The following DSC2 variants were observed in gnomAD, a reference collection of about 807,000 sequenced individuals.
The protein encoded by DSC2 is desmocollin-2.
DSC2 carries 51 observed loss-of-function variants against 87.6 expected under a neutral mutation model. The observed-to-expected ratio is 0.58, with a 90% CI of 0.46 to 0.74. The LOEUF (loss-of-function observed/expected upper bound fraction) is 0.74. DSC2 is among the 30% of genes least tolerant of loss of function. DSC2 has a pLI of 0.00. For missense variants in DSC2, 1,066 were observed against 1,089.5 expected (o/e 0.98, Z 0.30); for synonymous variants, 383 against 393.2 (o/e 0.97, Z 0.31).
In DSC2 at chr18:31,092,230, C is replaced by T. The variant is rs2144846829; in HGVS notation, c.225G>A (p.Glu75=). ...HSSDPDFQIL[E]DGSVYTTNTI... ...TATTTGTTGTATAGACTGAACCATC[C>T]TCCAAAATTTGGAAGTCAGGATCAC... Residue 75 remains glutamate (E), a synonymous_variant, in exon 3 of 16, where the codon GAG becomes GAA. Transcript: ENST00000280904. 1 of 1,613,766 alleles carries T rather than the reference C, an allele frequency of 6.2e-7. No individual in the cohort carries two copies. The highest frequency in any genetic ancestry group is 2.2e-5 in the East Asian group (1 of 44,808).
chr18:31,087,378 A>G (rs2144832518), intron 6 of DSC2, among the ~76,000 whole-genome samples: 1 of 152,282 alleles, frequency 6.6e-6, no homozygotes, highest in African/African-American at 2.4e-5. Context: ...AACATTTATT[A>G]ACTCCTATTT....
At chr18:31,084,840 A>G (rs778488263) in intron 7 of DSC2, among the ~76,000 whole-genome samples, 38 of 152,026 alleles carry the variant, frequency 2.5e-4, no homozygotes, top group African/African-American at 8.4e-4. Context: ...AGCTTGGAAA[A>G]CCTTTATCAA....
rs968646985 is a variant in DSC2, at chr18:31,075,247, C to T, written c.1664-340G>A. Among the ~76,000 whole-genome samples the T allele has an allele frequency of 2.0e-4, 30 of 152,194 alleles. 1 individual carries two copies. Among genetic ancestry groups the T allele is most frequent in the African/African-American group, 6.3e-4 (26 of 41,532 alleles). On this transcript the variant is annotated intron_variant, in intron 11 of 15. Transcript: ENST00000280904. ...ACAAGGAAATTCAAGGAGATGGAAA[C>T]GCACGTTATACACACCCGTGATCTG...
chr18:31,070,902 A>G (rs1051022664), intron 13 of DSC2, 52 bp from the exon 14 acceptor site: 13 of 1,588,676 alleles, frequency 8.2e-6, no homozygotes, highest in Admixed American at 1.7e-5. Flanking sequence ...ATATGAAGTT[A>G]TAAATGTACA....
Position 31,059,400 on chromosome 18 carries a change from T to A in DSC2, c.*8615A>T, listed in dbSNP as rs937689160. 10 of 152,306 alleles carry A rather than the reference T, an allele frequency of 6.6e-5. No homozygotes were observed. The East Asian group carries it at 1.4e-3, about 21-fold the overall frequency. 9.4% of individuals were successfully genotyped at this position (152,306 alleles called of 1,614,324 possible). A position where few individuals can be genotyped will look rare whatever the true frequency, so the allele number is the denominator to read the frequency against. On this transcript the variant is annotated 3_prime_UTR_variant, in exon 16 of 16. Coordinates refer to ENST00000280904, the MANE Select transcript of DSC2 (RefSeq NM_024422.6). ...AATTTTAAGACCAAAAGCACATGAA[T>A]GCACTCAGTTATGATAATGTGAGAT...
At chr18:31,082,560 T>C in intron 8 of DSC2, 137 bp from the exon 9 acceptor site, 1 of 814,972 alleles carries the variant, frequency 1.2e-6, no homozygotes, top group Non-Finnish European at 2.0e-6. Flanking sequence ...TATACAACTT[T>C]TAATGTCACT....
chr18:31,083,270 G>T (rs1185120268), intron 7 of DSC2, among the ~76,000 whole-genome samples: 1 of 152,090 alleles, frequency 6.6e-6, no homozygotes, highest in Non-Finnish European at 1.5e-5. Flanking sequence ...GTCTCGCTCT[G>T]TTGCCCAGGC....
rs534934495 is a variant in DSC2, at chr18:31,059,459, C to T, written c.*8556G>A. ...ATTTTCTTTTTGCTTTCAATTTAATCATTTACTGTAAATATAATATGTTCA... is the reference window on the plus strand; with the variant it reads ...ATTTTCTTTTTGCTTTCAATTTAATTATTTACTGTAAATATAATATGTTCA... On this transcript the variant is annotated 3_prime_UTR_variant, in exon 16 of 16. Transcript: ENST00000280904. 11 of 152,258 alleles carry T rather than the reference C, an allele frequency of 7.2e-5. No individual in the cohort carries two copies. The highest frequency in any genetic ancestry group is 2.0e-4 in the Admixed American group (3 of 15,270). The allele number at this position is 152,258 out of a possible 1,614,324, so 9.4% of individuals were successfully genotyped here.
chr18:31,067,747 C>G lies in DSC2; in HGVS notation c.*268G>C, dbSNP rs1289406630. The G allele has an allele frequency of 2.6e-6, 1 of 387,058 alleles. No individual in the cohort carries two copies. Among genetic ancestry groups the G allele is most frequent in the East Asian group, 5.4e-5 (1 of 18,448 alleles). 24.0% of individuals were successfully genotyped at this position (387,058 alleles called of 1,614,324 possible). A position where few individuals can be genotyped will look rare whatever the true frequency, so the allele number is the denominator to read the frequency against. On this transcript the variant is annotated 3_prime_UTR_variant, in exon 16 of 16. Transcript: ENST00000280904. ...TATAAATTGGCTGTTGTCATTATACCCAAATGTAACAAATAAGGCAGACTT... is the reference window on the plus strand; with the variant it reads ...TATAAATTGGCTGTTGTCATTATACGCAAATGTAACAAATAAGGCAGACTT...
Position 31,060,400 on chromosome 18 carries a change from CT to C in DSC2, c.*7614del, listed in dbSNP as rs1986478514. 1 of 152,120 alleles carries C rather than the reference CT, an allele frequency of 6.6e-6. No homozygotes were observed. The highest frequency in any genetic ancestry group is 2.4e-5 in the African/African-American group (1 of 41,426). 9.4% of individuals were successfully genotyped at this position (152,120 alleles called of 1,614,324 possible). A position where few individuals can be genotyped will look rare whatever the true frequency, so the allele number is the denominator to read the frequency against. ...GTGCCTGGGAGTTTTCCAATTGGCC[CT>C]GTTCCCAGGGGAACACTCCTTAAGC... On this transcript the variant is annotated 3_prime_UTR_variant, in exon 16 of 16. Transcript: ENST00000280904.
chr18:31,083,000 G>A lies in DSC2; in HGVS notation c.1003C>T (p.Leu335=). The change falls in exon 8 of 16, where the codon CTA becomes TTA. Residue 335 remains leucine (L), a synonymous_variant. Transcript: ENST00000280904. ...ATGATACAAGTTGAAGTTGTCTGTA[G>A]ACCAAAATACTGACCATCCATGTCT... is the stretch of plus-strand genomic sequence containing the variant. ...VQDMDGQYFG[L]QTTSTCIINI... The A allele has an allele frequency of 6.2e-7, 1 of 1,613,412 alleles. No homozygotes were observed. The highest frequency in any genetic ancestry group is 1.1e-5 in the South Asian group (1 of 91,050).
chr18:31,071,779 T>C lies in DSC2; in HGVS notation c.1951A>G (p.Thr651Ala), dbSNP rs773110364. The C allele has an allele frequency of 6.2e-7, 1 of 1,614,044 alleles. No homozygotes were observed. Among genetic ancestry groups the C allele is most frequent in the Non-Finnish European group, 8.5e-7 (1 of 1,179,958 alleles). ...PPFGSYVVPI[T>A]VRDRLGMSSV... ...GACATGCCAAGTCTATCTCTCACTGTTATAGGTACTACATATGAGCCAAAT... is the reference window on the plus strand; with the variant it reads ...GACATGCCAAGTCTATCTCTCACTGCTATAGGTACTACATATGAGCCAAAT... The change falls in exon 13 of 16, where the codon ACA becomes GCA. Residue 651 changes from threonine (T) to alanine (A), a missense_variant. Coordinates refer to ENST00000280904, the MANE Select transcript of DSC2 (RefSeq NM_024422.6).
chr18:31,091,239 A>T, intron 3 of DSC2, 92 bp from the exon 4 acceptor site: 1 of 1,534,174 alleles, frequency 6.5e-7, no homozygotes, highest in Non-Finnish European at 8.9e-7. Flanking sequence ...TCTCAGGAGG[A>T]TTAGCTGGGT....
chr18:31,061,069 A>G lies in DSC2; in HGVS notation c.*6946T>C, dbSNP rs760883554. Reference sequence around the variant, plus strand: ...AATGTATTGAAAAGTGAAGGCTTCTATACTTTTCCCCTACTAGCCTGTTAC... The same window carrying G: ...AATGTATTGAAAAGTGAAGGCTTCTGTACTTTTCCCCTACTAGCCTGTTAC... On this transcript the variant is annotated 3_prime_UTR_variant, in exon 16 of 16. Transcript: ENST00000280904. 6.6e-6 allele frequency: 1 copy of G among 152,234 alleles called. No individual in the cohort carries two copies. The highest frequency in any genetic ancestry group is 1.5e-5 in the Non-Finnish European group (1 of 68,036). 9.4% of individuals were successfully genotyped at this position (152,234 alleles called of 1,614,324 possible).
At position 31,061,417 on chromosome 18, in the gene DSC2, A is replaced by G. The variant is rs557111825; in HGVS notation, c.*6598T>C. The stretch of plus-strand genomic sequence containing the variant: ...AACAAAACAGCCCTTGCCATTTCCC[A>G]TGCACCAACTATCACTCCATACGGA... On this transcript the variant is annotated 3_prime_UTR_variant, in exon 16 of 16. Coordinates refer to ENST00000280904, the MANE Select transcript of DSC2 (RefSeq NM_024422.6). The G allele has an allele frequency of 6.6e-6, 1 of 152,362 alleles. No individual in the cohort carries two copies. Among genetic ancestry groups the G allele is most frequent in the South Asian group, 2.1e-4 (1 of 4,830 alleles). 9.4% of individuals were successfully genotyped at this position (152,362 alleles called of 1,614,324 possible). A position where few individuals can be genotyped will look rare whatever the true frequency, so the allele number is the denominator to read the frequency against.
chr18:31,072,958 T>C (rs753652482), intron 12 of DSC2, among the ~76,000 whole-genome samples: 22 of 152,182 alleles, frequency 1.4e-4, no homozygotes, highest in Non-Finnish European at 2.9e-4. Context: ...ATTATCTCAT[T>C]TACTCCCCCA....
chr18:31,082,816 C>T, intron 8 of DSC2, 110 bp downstream of exon 8: 2 of 1,302,306 alleles, frequency 1.5e-6, no homozygotes, highest in Non-Finnish European at 1.1e-6. Context: ...CCTCGGCCTC[C>T]CAAAGTGCTG....
chr18:31,083,185 A>C, intron 7 of DSC2, 125 bp from the exon 8 acceptor site: 1 of 1,070,986 alleles, frequency 9.3e-7, no homozygotes. Flanking sequence ...ATTTCACAGC[A>C]TTCGTGTATT....
chr18:31,098,052 T>A (rs1987818084), intron 1 of DSC2, among the ~76,000 whole-genome samples: 1 of 152,174 alleles, frequency 6.6e-6, no homozygotes, highest in South Asian at 2.1e-4. Flanking sequence ...GACCTATGAA[T>A]ATTTTTTCCA....
Sources: allele counts gnomAD v4.1 joint callset (sites outside exome capture counted in the v4.1 genomes callset), GRCh38; gene constraint gnomAD v4.1.1; transcripts MANE v1.5; gene names NCBI Gene and HGNC (gene_info 2026-07-23, HGNC 2026-07-21).